The following WWOX variants were observed in gnomAD, a reference collection of about 807,000 sequenced individuals.
WWOX encodes the protein WW domain containing oxidoreductase.
Under a neutral mutation model 46.2 loss-of-function variants are expected in WWOX, and 69 were observed. The ratio of observed to expected loss-of-function variants is 1.49; its 90% CI spans 1.23 to 1.82. The LOEUF is 1.82. WWOX is among the 40% of genes most tolerant of loss of function. The pLI, the probability that WWOX is intolerant of heterozygous loss-of-function variation, is 0.00. For synonymous variants in WWOX, 359 were observed against 202.6 expected, an observed-to-expected ratio of 1.77 and a Z score of -6.56; for missense variants, 919 against 542.6, an observed-to-expected ratio of 1.69 and a Z score of -6.89.
chr16:78,899,289 G>C (rs2044770737), intron 8 of WWOX: 1 of 152,202 alleles, frequency 6.6e-6, no homozygotes, highest in South Asian at 2.1e-4. Flanking sequence ...ATATATATAT[G>C]TTTTATATTT....
At chr16:79,068,488 C>T (rs2048483220) in intron 8 of WWOX, among the ~76,000 whole-genome samples, 1 of 151,928 alleles carries the variant, frequency 6.6e-6, no homozygotes, top group Non-Finnish European at 1.5e-5. Flanking sequence ...TTTCAGAAAG[C>T]ACTGCACGTG....
chr16:78,486,559 AGTTTTGTTTT>A lies in WWOX; in HGVS notation c.1056+53834_1056+53843del, dbSNP rs541455368. On this transcript the variant is annotated intron_variant, in intron 8 of 8. Coordinates refer to ENST00000566780, the MANE Select transcript of WWOX (RefSeq NM_016373.4). ...TACTGGGTGTGTTTAATTGACTTCCAGTTTTGTTTTGTTTTGTTTTGTTTTGTTTTGTTTT... is the reference window on the plus strand; with the variant it reads ...TACTGGGTGTGTTTAATTGACTTCCAGTTTTGTTTTGTTTTGTTTTGTTTT... 4.8e-3 allele frequency among the ~76,000 whole-genome samples: 666 copies of A among 137,648 alleles called. 7 individuals carry two copies. The highest frequency in any genetic ancestry group is 0.013 in the South Asian group (60 of 4,534). 90.3% of individuals were successfully genotyped at this position (137,648 alleles called of 152,430 possible).
chr16:79,032,668 A>G (rs987964632), intron 8 of WWOX, among the ~76,000 whole-genome samples: 19 of 61,970 alleles, frequency 3.1e-4, no homozygotes, highest in Admixed American at 1.1e-3. Flanking sequence ...TTACATATGT[A>G]TATATATATA....
intron 8 of WWOX, among the ~76,000 whole-genome samples, chr16:78,970,582 A>C (rs1179292079): frequency 6.6e-6 from 1 of 152,230 alleles, no homozygotes. Flanking sequence ...AGAGTAAGAC[A>C]TTCAAGGTAG....
intron 8 of WWOX, among the ~76,000 whole-genome samples, chr16:78,694,154 G>A (rs191162067): frequency 2.6e-5 from 4 of 152,124 alleles, no homozygotes; most frequent in East Asian, 1.9e-4. Flanking sequence ...CAGAGGTTGC[G>A]GTGAGCTGAG....
At chr16:78,426,657 AT>A (rs1222141673) in intron 7 of WWOX, among the ~76,000 whole-genome samples, 1 of 151,850 alleles carries the variant, frequency 6.6e-6, no homozygotes, top group Non-Finnish European at 1.5e-5. Flanking sequence ...GCACATCGTT[AT>A]TTATTATTAC....
At chr16:79,032,693 C>G (rs528353173) in intron 8 of WWOX, among the ~76,000 whole-genome samples, 1 of 150,868 alleles carries the variant, frequency 6.6e-6, no homozygotes, top group Non-Finnish European at 1.5e-5. Context: ...CACACACACA[C>G]ACACATTTCA....
chr16:78,293,472 C>T (rs762705772), intron 5 of WWOX, among the ~76,000 whole-genome samples: 8 of 152,102 alleles, frequency 5.3e-5, no homozygotes, highest in Non-Finnish European at 1.0e-4. Context: ...TCCTGTATGT[C>T]GTCCCTCTTT....
chr16:78,436,884 T>G (rs1450417931), intron 8 of WWOX, among the ~76,000 whole-genome samples: 1 of 152,236 alleles, frequency 6.6e-6, no homozygotes, highest in African/African-American at 2.4e-5. Context: ...AGGGTGCATT[T>G]CTGCTATTTG....
chr16:78,321,125 G>T (rs1477588463), intron 5 of WWOX, among the ~76,000 whole-genome samples: 1 of 151,774 alleles, frequency 6.6e-6, no homozygotes, highest in Non-Finnish European at 1.5e-5. Flanking sequence ...GAAAAGTTGG[G>T]TACATAAAAT....
At chr16:79,161,172 A>T (rs970010495) in intron 8 of WWOX, among the ~76,000 whole-genome samples, 1 of 152,216 alleles carries the variant, frequency 6.6e-6, no homozygotes, top group African/African-American at 2.4e-5. Flanking sequence ...ATAGAAGGCA[A>T]AGACAAGTAC....
intron 8 of WWOX, among the ~76,000 whole-genome samples, chr16:78,639,747 G>C (rs2046658606): frequency 6.6e-6 from 1 of 152,046 alleles, no homozygotes; most frequent in Admixed American, 6.5e-5. Context: ...GTCTTTTTTA[G>C]TAGAGACAGG....
chr16:78,569,056 G>C (rs970749148), intron 8 of WWOX, among the ~76,000 whole-genome samples: 17 of 152,112 alleles, frequency 1.1e-4, no homozygotes, highest in Non-Finnish European at 2.9e-5. Context: ...CAGCCTCTTG[G>C]GCTGGCTCAT....
At chr16:78,851,442 C>G (rs1361872506) in intron 8 of WWOX, among the ~76,000 whole-genome samples, 2 of 152,192 alleles carry the variant, frequency 1.3e-5, no homozygotes, top group East Asian at 3.8e-4. Flanking sequence ...ATTTAATTGG[C>G]AAATGATTAA....
At chr16:78,303,211 TTA>T (rs554125366) in intron 5 of WWOX, among the ~76,000 whole-genome samples, 157 of 152,308 alleles carry the variant, frequency 1.0e-3, no homozygotes, top group African/African-American at 3.6e-3. Flanking sequence ...TATCTCTAAT[TTA>T]TGTTACTTAA....
At chr16:78,316,117 C>T (rs1242409328) in intron 5 of WWOX, among the ~76,000 whole-genome samples, 2 of 151,984 alleles carry the variant, frequency 1.3e-5, no homozygotes, top group Non-Finnish European at 2.9e-5. Flanking sequence ...TGTTAGCATG[C>T]ACCTGTGGTC....
At chr16:78,953,836 T>A (rs1385882717) in intron 8 of WWOX, among the ~76,000 whole-genome samples, 1 of 152,244 alleles carries the variant, frequency 6.6e-6, no homozygotes, top group East Asian at 1.9e-4. Context: ...CGAGCCACTC[T>A]CCACTCTCCT....
At chr16:78,144,584 C>T (rs1390892770) in intron 4 of WWOX, among the ~76,000 whole-genome samples, 3 of 138,896 alleles carry the variant, frequency 2.2e-5, no homozygotes, top group South Asian at 2.3e-4. Flanking sequence ...TACAGTGGCG[C>T]GATCTGAGCT....
At chr16:78,111,512 T>C (rs995283279) in intron 3 of WWOX, among the ~76,000 whole-genome samples, 4 of 152,078 alleles carry the variant, frequency 2.6e-5, no homozygotes, top group African/African-American at 9.7e-5. Context: ...GGCTCCTTGG[T>C]CAAGCGGTAA....
Sources: gnomAD v4.1 joint callset for allele counts (sites outside exome capture counted in the v4.1 genomes callset) on GRCh38, gnomAD v4.1.1 for gene constraint, MANE v1.5 for transcripts, NCBI Gene and HGNC (gene_info 2026-07-23, HGNC 2026-07-21) for gene names.